Variants in C12orf76 observed in about 807,000 individuals in gnomAD.
The protein encoded by C12orf76 is uncharacterized protein C12orf76.
In C12orf76, 6 loss-of-function variants were observed where a neutral mutation model predicts 6.8. The ratio of observed to expected loss-of-function variants is 0.88; its 90% CI spans 0.48 to 1.73. C12orf76 has a LOEUF of 1.73. Ranked by LOEUF, C12orf76 falls within the 40% of genes most tolerant of loss-of-function variation. The probability of loss-of-function intolerance (pLI) is 0.01; values close to 1 mark genes in which losing one functional copy is unlikely to be tolerated. For synonymous variants in C12orf76, 56 were observed against 43.7 expected (o/e 1.28, Z -1.11); for missense variants, 99 against 98.2 (o/e 1.01, Z -0.03).
At chr12:110,069,865 G>A (rs1892939489), upstream of C12orf76, among the ~76,000 whole-genome samples, 1 of 152,202 alleles carries the variant, frequency 6.6e-6, no homozygotes, top group African/African-American at 2.4e-5. Flanking sequence ...TTAAATACAT[G>A]TAAGTTATGA....
chr12:110,070,249 A>AAC (rs1285607986), upstream of C12orf76, among the ~76,000 whole-genome samples: 1 of 149,846 alleles, frequency 6.7e-6, no homozygotes, highest in Non-Finnish European at 1.5e-5. Context: ...AAAAAAAAAA[A>AAC]AGAAAAAGAA....
upstream of C12orf76, among the ~76,000 whole-genome samples, chr12:110,068,953 CA>C (rs1892926861): frequency 6.6e-6 from 1 of 152,202 alleles, no homozygotes; most frequent in Admixed American, 6.5e-5. Context: ...CTTCACACTG[CA>C]ACTTAAGGCA....
exon 2 of C12orf76, chr12:110,066,026 C>G: frequency 1.3e-6 from 2 of 1,588,946 alleles, no homozygotes; most frequent in Non-Finnish European, 1.7e-6. Context: ...CTCAAGCTCT[C>G]ACATCACCTA....
At chr12:110,065,846 C>T (rs1892849734) in intron 2 of C12orf76, 1 of 1,614,048 alleles carries the variant, frequency 6.2e-7, no homozygotes, top group African/African-American at 1.3e-5. Context: ...TCTGGCTCTA[C>T]CCTCCTCTCT....
At chr12:110,051,537 C>T (rs1212412138), upstream of C12orf76, among the ~76,000 whole-genome samples, 1 of 152,022 alleles carries the variant, frequency 6.6e-6, no homozygotes, top group Non-Finnish European at 1.5e-5. Context: ...AGCGATTCTC[C>T]TGCCTCAGCA....
chr12:110,044,124 G>A (rs891655450), intron 1 of C12orf76: 7 of 151,972 alleles, frequency 4.6e-5, no homozygotes, highest in Non-Finnish European at 8.8e-5. Flanking sequence ...AACTATCTCA[G>A]CGATCTTGGG....
At chr12:110,063,898 C>A (rs1892817991) in intron 2 of C12orf76, among the ~76,000 whole-genome samples, 1 of 152,070 alleles carries the variant, frequency 6.6e-6, no homozygotes, top group South Asian at 2.1e-4. Flanking sequence ...CATAGCAAGA[C>A]TCTGTCTCAA....
At chr12:110,055,009 T>A (rs1892645133) in intron 4 of C12orf76, among the ~76,000 whole-genome samples, 1 of 152,058 alleles carries the variant, frequency 6.6e-6, no homozygotes, top group Non-Finnish European at 1.5e-5. Context: ...GAGAATGAGA[T>A]GAAGGATGAG....
At chr12:110,056,771 A>C in intron 4 of C12orf76, 1 of 173,592 alleles carries the variant, frequency 5.8e-6, no homozygotes, top group Non-Finnish European at 1.2e-5. Flanking sequence ...AAGTCTTATG[A>C]GATCTGATGG....
upstream of C12orf76, among the ~76,000 whole-genome samples, chr12:110,069,920 C>T (rs569705018): frequency 1.3e-5 from 2 of 152,216 alleles, no homozygotes; most frequent in South Asian, 2.1e-4. Flanking sequence ...AAGGTGTTCT[C>T]ATAGTAATGT....
chr12:110,066,100 G>C (rs777002931), intron 1 of C12orf76: 333 of 1,424,354 alleles, frequency 2.3e-4, no homozygotes, highest in Non-Finnish European at 3.0e-4. Flanking sequence ...AGATGGTCAG[G>C]GGCAGGCCGG....
chr12:110,061,897 C>G (rs1165119304), intron 2 of C12orf76, among the ~76,000 whole-genome samples: 1 of 152,108 alleles, frequency 6.6e-6, no homozygotes, highest in African/African-American at 2.4e-5. Context: ...TCAATCTCAG[C>G]TCTACCACTT....
At chr12:110,068,247 A>AAAGAAGAAGAAGAAG (rs4042063), upstream of C12orf76, among the ~76,000 whole-genome samples, 75 of 63,814 alleles carry the variant, frequency 1.2e-3, 5 homozygotes, top group East Asian at 2.9e-3. Context: ...GAAGAAGAAG[A>AAAGAAGAAGAAGAAG]AAGAAGAAGA....
At chr12:110,059,731 G>C (rs996027295) in intron 2 of C12orf76, among the ~76,000 whole-genome samples, 5 of 152,238 alleles carry the variant, frequency 3.3e-5, no homozygotes, top group Admixed American at 3.3e-4. Flanking sequence ...ACTTGGTTGA[G>C]ACAGTTGAGG....
At chr12:110,058,903 A>T in intron 3 of C12orf76, 7 of 1,401,858 alleles carry the variant, frequency 5.0e-6, no homozygotes, top group Non-Finnish European at 6.6e-6. Flanking sequence ...TTTTGCTGAC[A>T]TATATTAACT....
Position 110,060,724 on chromosome 12 carries a change from T to C in C12orf76, n.381-1561A>G, listed in dbSNP as rs115464544. ...CTTCCATGGTTCTAGTTCCCATCTATATGCTGGTGATATAGAAACCTACAT... is the reference window on the plus strand; with the variant it reads ...CTTCCATGGTTCTAGTTCCCATCTACATGCTGGTGATATAGAAACCTACAT... On this transcript the variant is annotated intron_variant and non_coding_transcript_variant, in intron 2 of 4. Transcript: ENST00000309050. 9.9e-3 allele frequency among the ~76,000 whole-genome samples: 1,508 copies of C among 152,234 alleles called. 29 individuals carry two copies. The highest frequency in any genetic ancestry group is 0.048 in the Middle Eastern group (14 of 294).
chr12:110,050,672 T>C (rs1489730044), upstream of C12orf76: 1 of 335,068 alleles, frequency 3.0e-6, no homozygotes, highest in East Asian at 6.3e-5. Context: ...GGGGGAGGCA[T>C]GAATAATCCA....
chr12:110,061,847 C>A (rs1186300139), intron 2 of C12orf76, among the ~76,000 whole-genome samples: 1 of 152,010 alleles, frequency 6.6e-6, no homozygotes, highest in East Asian at 1.9e-4. Context: ...ACACTGCATA[C>A]TTTAATGAGA....
chr12:110,061,157 A>C (rs1892765555), intron 2 of C12orf76, among the ~76,000 whole-genome samples: 1 of 151,562 alleles, frequency 6.6e-6, no homozygotes. Context: ...CAACATCTAC[A>C]TGCATATGTT....
Sources: gnomAD v4.1 joint callset for allele counts (sites outside exome capture counted in the v4.1 genomes callset) on GRCh38, gnomAD v4.1.1 for gene constraint, MANE v1.5 for transcripts, NCBI Gene and HGNC (gene_info 2026-07-23, HGNC 2026-07-21) for gene names.